Variants in BRF1 observed in about 807,000 individuals in gnomAD.
The protein encoded by BRF1 is BRF1 general transcription factor IIIB subunit.
BRF1 carries 59 observed loss-of-function variants against 81.7 expected under a neutral mutation model. The observed-to-expected ratio is 0.72, with a 90% confidence interval of 0.59 to 0.90. BRF1 has a LOEUF of 0.90. BRF1 is among the 40% of genes least tolerant of loss of function. BRF1 has a pLI of 0.00. For missense variants in BRF1, 1,050 were observed against 936.3 expected, an observed-to-expected ratio of 1.12 and a Z score of -1.58; for synonymous variants, 491 against 395.6, an observed-to-expected ratio of 1.24 and a Z score of -2.86.
At chr14:105,249,859 C>G in intron 5 of BRF1, 2 of 1,612,718 alleles carry the variant, frequency 1.2e-6, no homozygotes, top group Non-Finnish European at 1.7e-6. Context: ...ACGCACAGGC[C>G]GAGATGGCCC....
chr14:105,253,524 G>A (rs1032036860), intron 4 of BRF1, among the ~76,000 whole-genome samples: 10 of 152,232 alleles, frequency 6.6e-5, no homozygotes, highest in Admixed American at 1.3e-4. Flanking sequence ...GTCCTGGCCC[G>A]CCAGTGGCAC....
chr14:105,219,801 G>A (rs1595272638), intron 12 of BRF1: 2 of 555,496 alleles, frequency 3.6e-6, no homozygotes, highest in East Asian at 6.0e-5. Flanking sequence ...TGTGCGATGT[G>A]TGCCTGCTGC....
intron 13 of BRF1, 27 bp from the exon 14 acceptor site, chr14:105,219,080 T>C: frequency 2.5e-6 from 4 of 1,613,866 alleles, no homozygotes; most frequent in Non-Finnish European, 3.4e-6. Flanking sequence ...GGGGCCAGCG[T>C]CACTGAGGGC....
chr14:105,295,956 A>C (rs900610006), intron 1 of BRF1, among the ~76,000 whole-genome samples: 2 of 150,650 alleles, frequency 1.3e-5, no homozygotes. Flanking sequence ...GTGGGCTCCT[A>C]TGTAATCCCA....
At chr14:105,223,117 C>G (rs1235271226) in intron 10 of BRF1, among the ~76,000 whole-genome samples, 1 of 152,250 alleles carries the variant, frequency 6.6e-6, no homozygotes, top group Admixed American at 6.5e-5. Flanking sequence ...TGCTTGAGCC[C>G]AGGAGGTTGA....
chr14:105,223,245 A>T (rs1482902454), intron 10 of BRF1, among the ~76,000 whole-genome samples: 1 of 151,922 alleles, frequency 6.6e-6, no homozygotes, highest in Non-Finnish European at 1.5e-5. Flanking sequence ...CAGCAATTTC[A>T]CTCCTCAGCA....
Position 105,241,356 on chromosome 14 carries a change from G to C in BRF1, c.603C>G (p.His201Gln), listed in dbSNP as rs757164420. The C allele has an allele frequency of 1.2e-6, 2 of 1,612,780 alleles. No individual in the cohort carries two copies. Among genetic ancestry groups the C allele is most frequent in the African/African-American group, 1.3e-5 (1 of 75,060 alleles). Residue 201 changes from histidine to glutamine, a missense_variant, in exon 6 of 18, where the codon CAC (histidine) becomes CAG (glutamine). Coordinates refer to ENST00000547530, the MANE Select transcript of BRF1 (RefSeq NM_001519.4). ...AHLLEFGEKNHEVSMTALRLL... is the reference protein window; with the variant it reads ...AHLLEFGEKNQEVSMTALRLL... ...GCCTCAGGGCAGTCATGGACACCTC[G>C]TGGTTCTTCTCCCCGAATTCCAGCA... is the stretch of plus-strand genomic sequence containing the variant.
intron 6 of BRF1, 33 bp from the exon 7 acceptor site, chr14:105,228,946 C>A (rs148884120): frequency 2.5e-6 from 4 of 1,602,886 alleles, no homozygotes; most frequent in East Asian, 2.2e-5. Flanking sequence ...TCGTCAACCA[C>A]GGCTGGGAAC....
Position 105,309,656 on chromosome 14 carries a change from C to G in BRF1, c.-162+5666G>C, listed in dbSNP as rs150756559. Among the ~76,000 whole-genome samples, 1 of 152,080 alleles carries G rather than the reference C, an allele frequency of 6.6e-6. No individual in the cohort carries two copies. Among genetic ancestry groups the G allele is most frequent in the African/African-American group, 2.4e-5 (1 of 41,440 alleles). The stretch of plus-strand genomic sequence containing the variant: ...CCCCAGGTGCTGTGTGAGGGAGCTG[C>G]GCTGCCTGCGCCCAACCCAGGAGGG... On this transcript the variant is annotated intron_variant, in intron 1 of 17. Transcript: ENST00000327359. This position sits in a 1 kb window ranked among gnomAD's most constrained non-coding sequence, Gnocchi z 4.0.
chr14:105,218,786 A>C (rs587672332), intron 14 of BRF1, among the ~76,000 whole-genome samples: 1 of 151,432 alleles, frequency 6.6e-6, no homozygotes, highest in Non-Finnish European at 1.5e-5. Context: ...ACGCCCTCCA[A>C]GGTGAGGCCG....
chr14:105,271,931 A>G lies in BRF1; in HGVS notation c.439+790T>C, dbSNP rs79960493. 2.3e-4 allele frequency among the ~76,000 whole-genome samples: 2 copies of G among 8,700 alleles called. No individual in the cohort carries two copies. The highest frequency in any genetic ancestry group is 9.4e-4 in the African/African-American group (2 of 2,122). The allele number at this position is 8,700 out of a possible 152,430, so 5.7% of individuals were successfully genotyped here. On this transcript the variant is annotated intron_variant, in intron 3 of 17. Transcript: ENST00000547530. The surrounding 1 kb of genome is among the most constrained non-coding windows in gnomAD (Gnocchi z 5.5). Reference sequence around the variant, plus strand: ...GGCGGCCTCCCCGCCCACCGCCTGCAGTCACGGTGTCCACGCACAAGGCCA... The same window carrying G: ...GGCGGCCTCCCCGCCCACCGCCTGCGGTCACGGTGTCCACGCACAAGGCCA...
chr14:105,228,753 A>G, intron 7 of BRF1, 67 bp downstream of exon 7: 1 of 1,556,484 alleles, frequency 6.4e-7, no homozygotes, highest in Non-Finnish European at 8.8e-7. Context: ...CTGCTCTGGC[A>G]AGCAGGCCTG....
At position 105,221,772 on chromosome 14, in the gene BRF1, T is replaced by C. The variant is rs754836844; in HGVS notation, c.1191A>G (p.Gly397=). 6.2e-7 allele frequency: 1 copy of C among 1,611,788 alleles called. No individual in the cohort carries two copies. The highest frequency in any genetic ancestry group is 8.5e-7 in the Non-Finnish European group (1 of 1,179,736). ...GAGGTCTGCCGCCCCACTCGGGGCTTCCTGCTGCTTCCGAGCTGCCGGGGG... is the reference window on the plus strand; with the variant it reads ...GAGGTCTGCCGCCCCACTCGGGGCTCCCTGCTGCTTCCGAGCTGCCGGGGG... ...GGAPGSSEAA[G]SPEWGGRPPA... The change falls in exon 11 of 18, where the codon GGA becomes GGG. Residue 397 remains glycine, a synonymous_variant. Coordinates refer to ENST00000547530, the MANE Select transcript of BRF1 (RefSeq NM_001519.4).
At chr14:105,229,612 G>T (rs879827254) in intron 6 of BRF1, among the ~76,000 whole-genome samples, 2 of 152,346 alleles carry the variant, frequency 1.3e-5, no homozygotes, top group East Asian at 3.9e-4. Context: ...GGGTCACAGA[G>T]GTCCAACTAG....
chr14:105,212,473 C>G (rs587595492), intron 15 of BRF1: 3 of 371,816 alleles, frequency 8.1e-6, no homozygotes, highest in Non-Finnish European at 1.5e-5. Context: ...GCCTGGTGCC[C>G]TACCTCACTC....
rs1208875942 is a variant in BRF1 at position 105,256,519 on chromosome 14, T to C, written c.470A>G (p.Gln157Arg). The stretch of plus-strand genomic sequence containing the variant: ...AGATGCAGGACGGAGGCTGTCTACC[T>C]GGAGCAGGTCGCTGAGGTCCAGGAG... ...HMLLDLSDLL[Q>R]VNVYVLGKTF... Residue 157 changes from glutamine to arginine, a missense_variant and splice_region_variant, in exon 4 of 18, where the codon CAG becomes CGG. Gln to Arg is a conservative substitution (Grantham distance 43, BLOSUM62 1). This residue lies in a region of BRF1 where 1,043 missense variants were observed against 915.4 expected (regional missense o/e 1.14). Transcript: ENST00000547530. The C allele has an allele frequency of 1.4e-5, 23 of 1,614,118 alleles. No homozygotes were observed. The highest frequency in any genetic ancestry group is 1.9e-5 in the Non-Finnish European group (22 of 1,180,028).
chr14:105,228,967 T>C (rs908960427), intron 6 of BRF1, 54 bp from the exon 7 acceptor site: 4 of 1,532,842 alleles, frequency 2.6e-6, no homozygotes, highest in South Asian at 2.2e-5. Context: ...CAGGGCAACA[T>C]CTGTGGCGGC....
chr14:105,214,410 T>C lies in BRF1; in HGVS notation c.1773-2246A>G, dbSNP rs1012957045. On this transcript the variant is annotated intron_variant, in intron 15 of 17. Coordinates refer to ENST00000547530, the MANE Select transcript of BRF1 (RefSeq NM_001519.4). ...GAGGGAGCGGCTGCCCACATCCCTGTGTGGCTCAGCTGCCCACACCCATGC... is the reference window on the plus strand; with the variant it reads ...GAGGGAGCGGCTGCCCACATCCCTGCGTGGCTCAGCTGCCCACACCCATGC... Among the ~76,000 whole-genome samples, 124 of 134,628 alleles carry C rather than the reference T, an allele frequency of 9.2e-4. 2 individuals are homozygous for C. The South Asian group carries it at 0.013, about 15-fold the overall frequency. The allele number at this position is 134,628 out of a possible 152,430, so 88.3% of individuals were successfully genotyped here. A position where few individuals can be genotyped will look rare whatever the true frequency, so the allele number is the denominator to read the frequency against.
At position 105,248,598 on chromosome 14, in the gene BRF1, C is replaced by G. The variant is rs1050540143; in HGVS notation, c.544+3909G>C. On this transcript the variant is annotated intron_variant, in intron 5 of 17. Transcript: ENST00000547530. ...GCGGGCGGGCGGGCGGGACGGCGCC[C>G]CCCGCGGCCGGGCCTGGCCGGGCTG... 2.2e-3 allele frequency: 2,161 copies of G among 966,114 alleles called. 60 individuals are homozygous for G. In the African/African-American group the frequency reaches 0.037, roughly 16 times the overall value. 59.8% of individuals were successfully genotyped at this position (966,114 alleles called of 1,614,324 possible).
Sources: allele counts gnomAD v4.1 joint callset (sites outside exome capture counted in the v4.1 genomes callset), GRCh38; gene constraint gnomAD v4.1.1; regional missense constraint gnomAD v4.1.1; non-coding constraint Gnocchi (gnomAD v3.1); transcripts MANE v1.5; gene names NCBI Gene and HGNC (gene_info 2026-07-23, HGNC 2026-07-21).